Variants in RAPGEF5 observed in about 807,000 individuals in gnomAD.
RAPGEF5 encodes M-Ras-regulated GEF.
A neutral mutation model predicts 125.2 loss-of-function variants in RAPGEF5; 65 were observed. That is an observed-to-expected ratio of 0.52 (90% CI 0.43 to 0.64). The LOEUF is 0.64. Ranked by LOEUF, RAPGEF5 falls within the 30% of genes least tolerant of loss-of-function variation. The pLI is 0.00. For synonymous variants in RAPGEF5, 391 were observed against 385.9 expected (o/e 1.01, Z -0.16); for missense variants, 958 against 1,048.1 (o/e 0.91, Z 1.19).
In RAPGEF5 at chr7:22,356,887, G is replaced by A. The variant is rs1362240003; in HGVS notation, c.174C>T (p.Pro58=). The A allele has an allele frequency of 7.8e-6, 9 of 1,148,072 alleles. No individual in the cohort carries two copies. The South Asian group carries it at 1.7e-4, about 22-fold the overall frequency. 71.1% of individuals were successfully genotyped at this position (1,148,072 alleles called of 1,614,324 possible). A position where few individuals can be genotyped will look rare whatever the true frequency, so the allele number is the denominator to read the frequency against. Residue 58 remains proline (P), a synonymous_variant, in exon 1 of 26, where the codon CCC becomes CCT. Transcript: ENST00000665637. ...ASLRPRLRDL[P]ALLRSGLTLR... ...GCGTGAGCCCGCTCCGCAGCAGCGC[G>A]GGCAGGTCCCTCAGCCGCGGCCGCA...
intron 1 of RAPGEF5, among the ~76,000 whole-genome samples, chr7:22,345,568 T>C (rs75722109): frequency 0.042 from 6,405 of 152,224 alleles, 197 homozygotes; most frequent in Non-Finnish European, 0.06. Flanking sequence ...AGAATGTATA[T>C]GAAAGCGCTT....
chr7:22,144,964 T>C (rs1783385114), intron 20 of RAPGEF5, 80 bp downstream of exon 20: 23 of 1,468,616 alleles, frequency 1.6e-5, no homozygotes, highest in Non-Finnish European at 2.1e-5. Flanking sequence ...ACCCTTATCA[T>C]CATAAGAAAG....
chr7:22,126,117 C>A (rs776096832), intron 24 of RAPGEF5, among the ~76,000 whole-genome samples: 11 of 152,140 alleles, frequency 7.2e-5, no homozygotes, highest in Non-Finnish European at 1.6e-4. Context: ...TCACTACACT[C>A]CAGCCTGGGT....
At chr7:22,131,212 T>A (rs2128099753) in intron 23 of RAPGEF5, 111 bp from the exon 24 acceptor site, 2 of 1,325,766 alleles carry the variant, frequency 1.5e-6, no homozygotes, top group South Asian at 1.8e-5. Context: ...ACATTATGGA[T>A]CATTCCATGC....
intron 1 of RAPGEF5, among the ~76,000 whole-genome samples, chr7:22,339,162 G>A (rs1439367847): frequency 6.6e-6 from 1 of 152,186 alleles, no homozygotes. Context: ...CACTGTGCAT[G>A]CAGCCCCTCC....
intron 8 of RAPGEF5, among the ~76,000 whole-genome samples, chr7:22,223,976 C>A (rs1201408489): frequency 6.6e-6 from 1 of 152,080 alleles, no homozygotes; most frequent in African/African-American, 2.4e-5. Context: ...GTTGCAACTG[C>A]CCAATTCTGC....
At chr7:22,295,119 T>C (rs559396860) in intron 5 of RAPGEF5, among the ~76,000 whole-genome samples, 1 of 152,308 alleles carries the variant, frequency 6.6e-6, no homozygotes, top group South Asian at 2.1e-4. Context: ...TCTAGACAAG[T>C]AAGTTTTGCT....
At chr7:22,317,285 G>C (rs1343378312) in intron 2 of RAPGEF5, among the ~76,000 whole-genome samples, 1 of 147,530 alleles carries the variant, frequency 6.8e-6, no homozygotes, top group Non-Finnish European at 1.5e-5. Context: ...CTGTTGCCCA[G>C]GCTGGAGTGC....
chr7:22,156,769 C>A, intron 16 of RAPGEF5, 41 bp downstream of exon 16: 1 of 1,611,060 alleles, frequency 6.2e-7, no homozygotes, highest in South Asian at 1.1e-5. Flanking sequence ...TGGTGGCTAA[C>A]TGCTGCCCAC....
chr7:22,331,459 A>C (rs896140262), intron 1 of RAPGEF5, among the ~76,000 whole-genome samples: 1 of 152,124 alleles, frequency 6.6e-6, no homozygotes, highest in Non-Finnish European at 1.5e-5. Flanking sequence ...AAGTTACAGG[A>C]GGTGGGCCAA....
chr7:22,195,444 T>C (rs919279392), intron 9 of RAPGEF5, among the ~76,000 whole-genome samples: 28 of 152,224 alleles, frequency 1.8e-4, no homozygotes, highest in African/African-American at 6.8e-4. Flanking sequence ...AACAGCAATA[T>C]AATTTTATGA....
intron 9 of RAPGEF5, among the ~76,000 whole-genome samples, chr7:22,211,269 T>C (rs1354954706): frequency 6.6e-6 from 1 of 152,210 alleles, no homozygotes; most frequent in Non-Finnish European, 1.5e-5. Context: ...CCAAAGTATA[T>C]GAATGACTCA....
At chr7:22,212,111 C>T (rs1195934548) in intron 9 of RAPGEF5, among the ~76,000 whole-genome samples, 1 of 151,918 alleles carries the variant, frequency 6.6e-6, no homozygotes, top group Non-Finnish European at 1.5e-5. Context: ...GTAGCTGGGA[C>T]TATAGGCACC....
intron 6 of RAPGEF5, among the ~76,000 whole-genome samples, chr7:22,283,072 C>T (rs1370043684): frequency 1.3e-5 from 2 of 151,636 alleles, no homozygotes; most frequent in East Asian, 1.9e-4. Context: ...CACACACACG[C>T]ATGAAAAATA....
intron 1 of RAPGEF5, among the ~76,000 whole-genome samples, chr7:22,354,732 G>A (rs1583600848): frequency 6.6e-6 from 1 of 152,156 alleles, no homozygotes; most frequent in South Asian, 2.1e-4. Context: ...CGTTTACCAA[G>A]GGAAGGCCAT....
intron 5 of RAPGEF5, among the ~76,000 whole-genome samples, chr7:22,300,865 A>G (rs1783181346): frequency 1.3e-5 from 2 of 152,094 alleles, no homozygotes; most frequent in African/African-American, 4.8e-5. Flanking sequence ...ACCCCACCCC[A>G]TCACACTCTT....
intron 7 of RAPGEF5, among the ~76,000 whole-genome samples, chr7:22,265,704 G>C (rs566026737): frequency 2.2e-3 from 340 of 152,208 alleles, no homozygotes; most frequent in African/African-American, 7.9e-3. Context: ...AACAGTTTAT[G>C]AGAGTTTCCC....
intron 11 of RAPGEF5, among the ~76,000 whole-genome samples, chr7:22,187,092 A>C (rs1161118198): frequency 1.3e-5 from 2 of 152,216 alleles, no homozygotes; most frequent in Non-Finnish European, 2.9e-5. Context: ...ACGAGGCTGA[A>C]GAAATGTAGC....
chr7:22,354,493 T>C (rs905426514), intron 1 of RAPGEF5, among the ~76,000 whole-genome samples: 9 of 152,180 alleles, frequency 5.9e-5, no homozygotes, highest in Admixed American at 2.0e-4. Context: ...AACCAACCAG[T>C]CTGATACATA....
Sources: gnomAD v4.1 joint callset for allele counts (sites outside exome capture counted in the v4.1 genomes callset) on GRCh38, gnomAD v4.1.1 for gene constraint, MANE v1.5 for transcripts, NCBI Gene and HGNC (gene_info 2026-07-23, HGNC 2026-07-21) for gene names.